The following TBC1D26 variants were observed in gnomAD, a reference collection of about 807,000 sequenced individuals.
The protein encoded by TBC1D26 is TBC1 domain family member 26.
Under a neutral mutation model 42.5 loss-of-function variants are expected in TBC1D26, and 19 were observed. The observed-to-expected ratio is 0.45, with a 90% CI of 0.31 to 0.66. The LOEUF is 0.66. Ranked by LOEUF, TBC1D26 falls within the 30% of genes least tolerant of loss-of-function variation. TBC1D26 has a pLI of 0.06. For missense variants in TBC1D26, 228 were observed against 332.6 expected (o/e 0.69, Z 2.45); for synonymous variants, 97 against 123.5 (o/e 0.79, Z 1.42).
At chr17:15,737,797 C>G in intron 5 of TBC1D26, 200 bp from the exon 6 acceptor site, 1 of 823,174 alleles carries the variant, frequency 1.2e-6, no homozygotes, top group South Asian at 1.8e-5. Flanking sequence ...CATTTATGGC[C>G]TGAGGATGGC....
Position 15,737,956 on chromosome 17 carries a change from G to A in TBC1D26, c.199-41G>A, listed in dbSNP as rs375342147. On this transcript the variant is annotated intron_variant, in intron 5 of 14. Coordinates refer to ENST00000437605, the MANE Select transcript of TBC1D26 (RefSeq NM_001388465.1). ...CAGCATCCACGGGCCACTGTCAGAC[G>A]CCTGGCAGCTCCGCTAACTCCATCA... 1.7e-4 allele frequency: 280 copies of A among 1,613,796 alleles called. 1 individual carries two copies. Among genetic ancestry groups the A allele is most frequent in the African/African-American group, 6.0e-4 (45 of 75,030 alleles).
rs907592958 is a variant in TBC1D26, at chr17:15,744,316, C to T, written c.1131C>T (p.Cys377=). Residue 377 remains cysteine, a synonymous_variant, in exon 15 of 15, where the codon TGC becomes TGT. Transcript: ENST00000437605. The part of the protein sequence containing the change: ...GLQSKAGKDS[C]TSRASGDFHA... ...AATCCAAGGCTGGCAAGGATTCCTGCACGTCAAGGGCCTCAGGTGACTTTC... is the reference window on the plus strand; with the variant it reads ...AATCCAAGGCTGGCAAGGATTCCTGTACGTCAAGGGCCTCAGGTGACTTTC... 6.6e-6 allele frequency: 1 copy of T among 152,212 alleles called. No individual in the cohort carries two copies. The highest frequency in any genetic ancestry group is 2.4e-5 in the African/African-American group (1 of 41,426). 9.4% of individuals were successfully genotyped at this position (152,212 alleles called of 1,614,324 possible).
intron 1 of TBC1D26, chr17:15,734,085 A>T (rs1567722556): frequency 6.6e-6 from 1 of 152,114 alleles, no homozygotes; most frequent in Non-Finnish European, 1.5e-5. Flanking sequence ...TAGCCATTCC[A>T]CAGGTGAGAT....
rs1298128725 is a variant in TBC1D26 at position 15,741,156 on chromosome 17, C to T, written c.581C>T (p.Thr194Ile). The change falls in exon 10 of 15, where the codon ACT (threonine) becomes ATT (isoleucine). Residue 194 changes from threonine to isoleucine, a missense_variant. Thr to Ile is a moderately conservative substitution (Grantham distance 89). Around this residue, in one of 5 missense-constraint regions of TBC1D26, gnomAD observed 130 missense variants for 168.5 expected, o/e 0.77. Coordinates refer to ENST00000437605, the MANE Select transcript of TBC1D26 (RefSeq NM_001388465.1). ...VGYHRDLSRITAILLLCLPEE... is the reference protein window; with the variant it reads ...VGYHRDLSRIIAILLLCLPEE... Reference sequence around the variant, plus strand: ...TACCACAGGGACCTGAGCCGCATCACTGCCATCCTCCTCCTGTGTCTGCCA... The same window carrying T: ...TACCACAGGGACCTGAGCCGCATCATTGCCATCCTCCTCCTGTGTCTGCCA... 8.1e-6 allele frequency: 13 copies of T among 1,613,108 alleles called. No individual in the cohort carries two copies. Among genetic ancestry groups the T allele is most frequent in the African/African-American group, 4.0e-5 (3 of 74,934 alleles).
chr17:15,738,656 C>A (rs1351782534), intron 7 of TBC1D26, 65 bp from the exon 8 acceptor site: 9 of 1,609,078 alleles, frequency 5.6e-6, no homozygotes, highest in Non-Finnish European at 7.7e-6. Context: ...GGATGACTGC[C>A]GTTTGGGGCA....
In TBC1D26 at chr17:15,741,981, T is replaced by C; in HGVS notation, c.686T>C (p.Leu229Pro). Residue 229 changes from leucine to proline, a missense_variant, in exon 11 of 15, where the codon CTA becomes CCA. By Grantham distance (98) the Leu-to-Pro change is moderately conservative (BLOSUM62 -3). Around this residue, in one of 5 missense-constraint regions of TBC1D26, gnomAD observed 130 missense variants for 168.5 expected, o/e 0.77. Coordinates refer to ENST00000437605, the MANE Select transcript of TBC1D26 (RefSeq NM_001388465.1). ...AATACTGCCTGGCTCGAGAGGCTCCTATCGCACCAGGAGCAGGTGCTGCAC... is the reference window on the plus strand; with the variant it reads ...AATACTGCCTGGCTCGAGAGGCTCCCATCGCACCAGGAGCAGGTGCTGCAC... ...SPNTAWLERLLSHQEQVLHKS... is the reference protein window; with the variant it reads ...SPNTAWLERLPSHQEQVLHKS... 1 of 1,614,076 alleles carries C rather than the reference T, an allele frequency of 6.2e-7. No homozygotes were observed. Among genetic ancestry groups the C allele is most frequent in the Non-Finnish European group, 8.5e-7 (1 of 1,179,984 alleles).
chr17:15,739,012 G>T (rs563845123), intron 8 of TBC1D26, among the ~76,000 whole-genome samples, 182 bp downstream of exon 8: 1 of 143,770 alleles, frequency 7.0e-6, no homozygotes, highest in Non-Finnish European at 1.5e-5. Context: ...GCTCTGGGCC[G>T]GGCTGGGACA....
chr17:15,741,420 C>A, intron 10 of TBC1D26, 199 bp downstream of exon 10: 1 of 887,340 alleles, frequency 1.1e-6, no homozygotes, highest in Non-Finnish European at 1.7e-6. Flanking sequence ...CCCCTCACCT[C>A]AAGTCAGACG....
At chr17:15,742,352 T>C in intron 11 of TBC1D26, 62 bp from the exon 12 acceptor site, 1 of 413,664 alleles carries the variant, frequency 2.4e-6, no homozygotes, top group Non-Finnish European at 4.4e-6. Context: ...CAGAGGGGCC[T>C]GGAAGTGGGA....
chr17:15,733,934 T>A (rs1410613720), intron 1 of TBC1D26: 1 of 152,252 alleles, frequency 6.6e-6, no homozygotes, highest in Non-Finnish European at 1.5e-5. Flanking sequence ...CTGAGCAGAC[T>A]CAGGTGAGTG....
chr17:15,742,183 G>A (rs1967806121), intron 11 of TBC1D26, 147 bp downstream of exon 11: 2 of 711,640 alleles, frequency 2.8e-6, no homozygotes, highest in Non-Finnish European at 4.7e-6. Context: ...TTCAGCGTTG[G>A]GTTTCCTTTT....
intron 1 of TBC1D26, 130 bp downstream of exon 1, chr17:15,732,514 T>C (rs1967513712): frequency 6.8e-6 from 1 of 147,688 alleles, no homozygotes; most frequent in Admixed American, 6.8e-5. Context: ...TGTTCTGCAC[T>C]GACCTGGTGG....
chr17:15,743,448 C>A lies in TBC1D26; in HGVS notation c.989C>A (p.Ala330Glu). 1 of 986,860 alleles carries A rather than the reference C, an allele frequency of 1.0e-6. No homozygotes were observed. The highest frequency in any genetic ancestry group is 1.2e-6 in the Non-Finnish European group (1 of 830,082). 61.1% of individuals were successfully genotyped at this position (986,860 alleles called of 1,614,324 possible). A position where few individuals can be genotyped will look rare whatever the true frequency, so the allele number is the denominator to read the frequency against. Residue 330 changes from alanine to glutamate, a missense_variant, in exon 14 of 15, where the codon GCG becomes GAG. Physicochemically the swap from Ala to Glu is moderately radical, Grantham distance 107 (BLOSUM62 -1). Around this residue, in one of 5 missense-constraint regions of TBC1D26, gnomAD observed 130 missense variants for 168.5 expected, o/e 0.77. Transcript: ENST00000437605. Reference sequence around the variant, plus strand: ...CAGAGCTGGGCCCTGGAGGACAACGCGGTCCTCAGGAACCTTCAAACCTCT... The same window carrying A: ...CAGAGCTGGGCCCTGGAGGACAACGAGGTCCTCAGGAACCTTCAAACCTCT... ...LSQSWALEDN[A>E]VLRNLQTSMK...
rs559255459 is a variant in TBC1D26, at chr17:15,741,303, G to A, written c.646+82G>A. Reference sequence around the variant, plus strand: ...ATGCCAGGGGACAGCCACCCTGGCCGGTGACCCTGACTTCCAGGCAAGGTG... The same window carrying A: ...ATGCCAGGGGACAGCCACCCTGGCCAGTGACCCTGACTTCCAGGCAAGGTG... On this transcript the variant is annotated intron_variant, in intron 10 of 14. Coordinates refer to ENST00000437605, the MANE Select transcript of TBC1D26 (RefSeq NM_001388465.1). The A allele has an allele frequency of 1.4e-4, 231 of 1,598,776 alleles. 1 individual carries two copies. The highest frequency in any genetic ancestry group is 5.7e-4 in the Middle Eastern group (3 of 5,262).
In TBC1D26 at chr17:15,743,405, T is replaced by C. The variant is rs751841800; in HGVS notation, c.946T>C (p.Phe316Leu). ...GCTTTCCTGGAGCACTGTCTGGGAG[T>C]TTCAGGAGCGACTCTCTCAGAGCTG... is the stretch of plus-strand genomic sequence containing the variant. ...MKLSWSTVWEFQERLSQSWAL... is the reference protein window; with the variant it reads ...MKLSWSTVWELQERLSQSWAL... Residue 316 changes from phenylalanine (F) to leucine (L), a missense_variant, in exon 14 of 15, where the codon TTT becomes CTT. Physicochemically the swap from Phe to Leu is conservative, Grantham distance 22. Transcript: ENST00000437605. The C allele has an allele frequency of 6.2e-5, 61 of 986,118 alleles. No individual in the cohort carries two copies. The highest frequency in any genetic ancestry group is 7.1e-5 in the Non-Finnish European group (59 of 830,298). The allele number at this position is 986,118 out of a possible 1,614,324, so 61.1% of individuals were successfully genotyped here. A position where few individuals can be genotyped will look rare whatever the true frequency, so the allele number is the denominator to read the frequency against.
intron 13 of TBC1D26, 119 bp from the exon 14 acceptor site, chr17:15,743,248 C>T (rs1402222205): frequency 8.7e-6 from 3 of 346,304 alleles, no homozygotes; most frequent in Non-Finnish European, 1.2e-5. Flanking sequence ...CAGCTGAACC[C>T]CAGGGTGGCC....
chr17:15,741,112 G>T lies in TBC1D26; in HGVS notation c.547-10G>T. ...GTGACATCTTTCCACGGTGACTCTG[G>T]CTCTTGCAGGAGGTGGGCTACCACA... On this transcript the variant is annotated splice_polypyrimidine_tract_variant and intron_variant, in intron 9 of 14. Coordinates refer to ENST00000437605, the MANE Select transcript of TBC1D26 (RefSeq NM_001388465.1). The T allele has an allele frequency of 6.2e-7, 1 of 1,608,570 alleles. No individual in the cohort carries two copies. Among genetic ancestry groups the T allele is most frequent in the Non-Finnish European group, 8.5e-7 (1 of 1,179,862 alleles).
intron 9 of TBC1D26, chr17:15,740,496 A>G: frequency 1.0e-5 from 13 of 1,250,602 alleles, no homozygotes; most frequent in Non-Finnish European, 1.3e-5. Flanking sequence ...ATGAGTTTGC[A>G]TCCTGGGGGA....
chr17:15,738,157 C>T (rs1597755314), intron 6 of TBC1D26, 80 bp downstream of exon 6: 12 of 1,611,018 alleles, frequency 7.4e-6, no homozygotes, highest in Middle Eastern at 3.3e-4. Context: ...GACCTGGCAC[C>T]GTCTGCCTCT....
Sources: gnomAD v4.1 joint callset for allele counts (sites outside exome capture counted in the v4.1 genomes callset) on GRCh38, gnomAD v4.1.1 for gene constraint, gnomAD v4.1.1 regional missense constraint, MANE v1.5 for transcripts, NCBI Gene and HGNC (gene_info 2026-07-23, HGNC 2026-07-21) for gene names.